Variants in TAFA1 observed in about 807,000 individuals in gnomAD.
TAFA1 encodes the protein chemokine-like protein TAFA-1.
Under a neutral mutation model 18.5 loss-of-function variants are expected in TAFA1, and 4 were observed. The observed-to-expected ratio is 0.22, with a 90% CI of 0.11 to 0.49. The LOEUF (loss-of-function observed/expected upper bound fraction) is 0.49, where lower values mean the gene tolerates loss of function less well. Ranked by LOEUF, TAFA1 falls within the 20% of genes least tolerant of loss-of-function variation. The pLI is 0.98. For synonymous variants in TAFA1, 56 were observed against 55.2 expected, an observed-to-expected ratio of 1.01 and a Z score of -0.06; for missense variants, 147 against 169.0, an observed-to-expected ratio of 0.87 and a Z score of 0.72.
chr3:68,084,804 A>G (rs548257179), intron 2 of TAFA1, among the ~76,000 whole-genome samples: 4 of 152,088 alleles, frequency 2.6e-5, no homozygotes, highest in East Asian at 1.9e-4. Context: ...TCTAAAAAAA[A>G]AAAAAAAACC....
At chr3:68,380,618 T>C (rs1232740314) in intron 2 of TAFA1, among the ~76,000 whole-genome samples, 1 of 152,174 alleles carries the variant, frequency 6.6e-6, no homozygotes, top group Non-Finnish European at 1.5e-5. Context: ...ATAGGGTTGT[T>C]TGTTTTTTTC....
intron 2 of TAFA1, among the ~76,000 whole-genome samples, chr3:68,080,816 C>T (rs898814230): frequency 3.3e-5 from 5 of 152,162 alleles, no homozygotes; most frequent in African/African-American, 7.2e-5. Context: ...TCGAGGAGTA[C>T]CTTTGTGGTG....
chr3:68,288,112 T>C (rs1485772023), intron 2 of TAFA1, among the ~76,000 whole-genome samples: 1 of 152,100 alleles, frequency 6.6e-6, no homozygotes, highest in Non-Finnish European at 1.5e-5. Flanking sequence ...TCATGGGTGA[T>C]CTCCCCTCTC....
At chr3:68,171,222 G>T (rs2066049545) in intron 2 of TAFA1, among the ~76,000 whole-genome samples, 1 of 151,836 alleles carries the variant, frequency 6.6e-6, no homozygotes, top group African/African-American at 2.4e-5. Context: ...GTGATACAAT[G>T]TGAGGAAGAC....
chr3:68,412,142 T>C (rs1242202636), intron 2 of TAFA1, among the ~76,000 whole-genome samples: 2 of 152,204 alleles, frequency 1.3e-5, no homozygotes, highest in Non-Finnish European at 2.9e-5. Flanking sequence ...CCTGGGGTCA[T>C]TGACTTTATA....
intron 3 of TAFA1, among the ~76,000 whole-genome samples, chr3:68,529,436 T>TAA (rs533214097): frequency 0.011 from 860 of 77,022 alleles, 42 homozygotes; most frequent in Non-Finnish European, 0.015. Flanking sequence ...CACCATTCTC[T>TAA]AAAAAAAAAA....
At chr3:68,102,476 C>T (rs1297289723) in intron 2 of TAFA1, among the ~76,000 whole-genome samples, 1 of 152,144 alleles carries the variant, frequency 6.6e-6, no homozygotes, top group Admixed American at 6.5e-5. Context: ...CAAGTAGAAA[C>T]ATTAATGTGA....
chr3:68,260,216 T>A (rs1273559798), intron 2 of TAFA1, among the ~76,000 whole-genome samples: 1 of 152,150 alleles, frequency 6.6e-6, no homozygotes, highest in Non-Finnish European at 1.5e-5. Context: ...TTGTCTTTGG[T>A]TCTGTTTATA....
chr3:68,081,622 C>CTCGGGGG (rs1201885591), intron 2 of TAFA1, among the ~76,000 whole-genome samples: 1 of 152,182 alleles, frequency 6.6e-6, no homozygotes, highest in East Asian at 1.9e-4. Flanking sequence ...AGTTAGGCTG[C>CTCGGGGG]TCGGGGGTCA....
intron 2 of TAFA1, among the ~76,000 whole-genome samples, chr3:68,271,056 G>A (rs191579630): frequency 4.6e-5 from 7 of 152,108 alleles, no homozygotes; most frequent in Non-Finnish European, 1.0e-4. Flanking sequence ...ACTAACTGAA[G>A]TTTGCAAAGT....
chr3:68,506,600 A>T (rs2072761508), intron 3 of TAFA1, among the ~76,000 whole-genome samples: 1 of 152,178 alleles, frequency 6.6e-6, no homozygotes. Flanking sequence ...ACTGGTATGC[A>T]TTTGTTATGG....
chr3:68,272,506 G>C (rs1189978904), intron 2 of TAFA1, among the ~76,000 whole-genome samples: 1 of 152,092 alleles, frequency 6.6e-6, no homozygotes, highest in Non-Finnish European at 1.5e-5. Context: ...GAGTATAATG[G>C]GATGCAATAA....
chr3:68,446,732 A>G (rs1279259492), intron 3 of TAFA1, among the ~76,000 whole-genome samples: 1 of 152,154 alleles, frequency 6.6e-6, no homozygotes, highest in African/African-American at 2.4e-5. Context: ...CATCAATTTG[A>G]TGAATTGTTC....
intron 2 of TAFA1, among the ~76,000 whole-genome samples, chr3:68,073,518 A>G (rs2064783065): frequency 6.6e-6 from 1 of 152,238 alleles, no homozygotes; most frequent in Non-Finnish European, 1.5e-5. Context: ...ATATAGCACT[A>G]TGAGGGTGGC....
At chr3:68,010,642 A>C (rs192630117) in intron 2 of TAFA1, among the ~76,000 whole-genome samples, 1 of 152,208 alleles carries the variant, frequency 6.6e-6, no homozygotes, top group Non-Finnish European at 1.5e-5. Context: ...TTAGGAATGC[A>C]CCATTTATTT....
chr3:68,416,535 T>A (rs2070842058), intron 2 of TAFA1, among the ~76,000 whole-genome samples: 1 of 152,180 alleles, frequency 6.6e-6, no homozygotes, highest in South Asian at 2.1e-4. Flanking sequence ...TTTAGCTGAT[T>A]TCTGGGGAAA....
At chr3:68,440,249 A>G (rs919947159) in intron 3 of TAFA1, among the ~76,000 whole-genome samples, 1 of 152,184 alleles carries the variant, frequency 6.6e-6, no homozygotes, top group Non-Finnish European at 1.5e-5. Context: ...CATGTGAAAC[A>G]TGCCTTTCAC....
chr3:68,481,892 A>G (rs2072243985), intron 3 of TAFA1, among the ~76,000 whole-genome samples: 1 of 152,196 alleles, frequency 6.6e-6, no homozygotes, highest in Non-Finnish European at 1.5e-5. Context: ...AAACACAGTA[A>G]TGGTCTTCTA....
chr3:68,319,191 G>C (rs1291302786), intron 2 of TAFA1, among the ~76,000 whole-genome samples: 3 of 152,184 alleles, frequency 2.0e-5, no homozygotes, highest in African/African-American at 7.2e-5. Context: ...TACACTAGTA[G>C]AATACAGTTC....
Sources: gnomAD v4.1 joint callset for allele counts (sites outside exome capture counted in the v4.1 genomes callset) on GRCh38, gnomAD v4.1.1 for gene constraint, MANE v1.5 for transcripts, NCBI Gene and HGNC (gene_info 2026-07-23, HGNC 2026-07-21) for gene names.